Variants in TMEM207 observed in about 807,000 individuals in gnomAD.
TMEM207 encodes the protein SRSR846.
TMEM207 carries 15 observed loss-of-function variants against 17.4 expected under a neutral mutation model. The observed-to-expected ratio is 0.86, with a 90% confidence interval of 0.58 to 1.33. TMEM207 has a LOEUF of 1.33. Among genes scored for constraint, TMEM207 ranks in the 40% most tolerant of loss-of-function variants. The pLI, the probability that TMEM207 is intolerant of heterozygous loss-of-function variation, is 0.00. For missense variants in TMEM207, 205 were observed against 173.8 expected (o/e 1.18, Z -1.01); for synonymous variants, 70 against 65.6 (o/e 1.07, Z -0.33).
intron 2 of TMEM207, among the ~76,000 whole-genome samples, chr3:190,443,501 C>T (rs1719979758): frequency 6.6e-6 from 1 of 152,028 alleles, no homozygotes; most frequent in Admixed American, 6.6e-5. Flanking sequence ...ATCATGTAAG[C>T]TCCAAATCGC....
chr3:190,443,716 G>C (rs1019345856), intron 2 of TMEM207, among the ~76,000 whole-genome samples: 1 of 152,052 alleles, frequency 6.6e-6, no homozygotes, highest in African/African-American at 2.4e-5. Flanking sequence ...AACTTTTTGA[G>C]TTCCTAAAAA....
chr3:190,429,852 C>T, intron 4 of TMEM207, 121 bp from the exon 5 acceptor site: 1 of 1,238,514 alleles, frequency 8.1e-7, no homozygotes, highest in Non-Finnish European at 1.1e-6. Context: ...TTATTTGTAT[C>T]TATGAGAAAA....
intron 4 of TMEM207, among the ~76,000 whole-genome samples, chr3:190,439,874 T>C (rs1719891848): frequency 6.6e-6 from 1 of 152,176 alleles, no homozygotes; most frequent in Non-Finnish European, 1.5e-5. Context: ...TAAATGAATT[T>C]ATAAATACAA....
At chr3:190,440,891 ACC>A (rs1719919852) in intron 3 of TMEM207, among the ~76,000 whole-genome samples, 1 of 152,012 alleles carries the variant, frequency 6.6e-6, no homozygotes, top group African/African-American at 2.4e-5. Context: ...ACACGGTGAA[ACC>A]CCGTCTCTAC....
intron 4 of TMEM207, among the ~76,000 whole-genome samples, chr3:190,439,302 T>C (rs1018188779): frequency 2.0e-5 from 3 of 151,036 alleles, no homozygotes; most frequent in African/African-American, 7.3e-5. Context: ...CTTGGAAAAC[T>C]AAGTTTGATG....
chr3:190,434,309 G>A (rs929280485), intron 4 of TMEM207, among the ~76,000 whole-genome samples: 11 of 152,188 alleles, frequency 7.2e-5, no homozygotes, highest in Non-Finnish European at 1.3e-4. Flanking sequence ...TCTGATGGAA[G>A]ACAATTGAGT....
At chr3:190,440,093 C>T in intron 4 of TMEM207, 151 bp downstream of exon 4, 16 of 837,100 alleles carry the variant, frequency 1.9e-5, no homozygotes, top group South Asian at 1.0e-4. Context: ...AAATTTTCTC[C>T]CTTAAACTCT....
chr3:190,443,895 A>G (rs1440371776), intron 2 of TMEM207, among the ~76,000 whole-genome samples: 1 of 151,364 alleles, frequency 6.6e-6, no homozygotes, highest in Non-Finnish European at 1.5e-5. Context: ...CGTAAGAAAG[A>G]CATTTGGAAT....
At chr3:190,430,096 GA>G (rs540736640) in intron 4 of TMEM207, among the ~76,000 whole-genome samples, 52 of 152,224 alleles carry the variant, frequency 3.4e-4, no homozygotes, top group African/African-American at 1.2e-3. Flanking sequence ...AATTGCATTA[GA>G]AAAATTAAAA....
intron 4 of TMEM207, among the ~76,000 whole-genome samples, chr3:190,430,265 T>C (rs570366313): frequency 6.6e-6 from 1 of 151,818 alleles, no homozygotes; most frequent in Non-Finnish European, 1.5e-5. Context: ...TATTCTAAAA[T>C]TTAAAAAAAA....
At position 190,429,501 on chromosome 3, in the gene TMEM207, G is replaced by T; in HGVS notation, c.*94C>A. On this transcript the variant is annotated 3_prime_UTR_variant, in exon 5 of 5. Coordinates refer to ENST00000354905, the MANE Select transcript of TMEM207 (RefSeq NM_207316.3). Reference sequence around the variant, plus strand: ...CTCAGACTATATGAATAGATCTCTGGACATTTCCAACAACTGAAATAACTA... The same window carrying T: ...CTCAGACTATATGAATAGATCTCTGTACATTTCCAACAACTGAAATAACTA... 6.6e-7 allele frequency: 1 copy of T among 1,520,220 alleles called. No homozygotes were observed. The highest frequency in any genetic ancestry group is 9.0e-7 in the Non-Finnish European group (1 of 1,112,280). The allele number at this position is 1,520,220 out of a possible 1,614,324, so 94.2% of individuals were successfully genotyped here. A position where few individuals can be genotyped will look rare whatever the true frequency, so the allele number is the denominator to read the frequency against.
chr3:190,441,837 A>G (rs1268825086), intron 2 of TMEM207, among the ~76,000 whole-genome samples: 2 of 152,240 alleles, frequency 1.3e-5, no homozygotes, highest in African/African-American at 4.8e-5. Context: ...GTAGATAACC[A>G]TTATAGCTAT....
rs1002155131 is a variant in TMEM207 at position 190,435,253 on chromosome 3, G to A, written c.304+4991C>T. On this transcript the variant is annotated intron_variant, in intron 4 of 4. Coordinates refer to ENST00000354905, the MANE Select transcript of TMEM207 (RefSeq NM_207316.3). ...TTCGGCAGGGTAGGTTTCTTCTGAGGCCTCTCTCCTTGGATTGCAGATGGC... is the reference window on the plus strand; with the variant it reads ...TTCGGCAGGGTAGGTTTCTTCTGAGACCTCTCTCCTTGGATTGCAGATGGC... Among the ~76,000 whole-genome samples, 3 of 152,130 alleles carry A rather than the reference G, an allele frequency of 2.0e-5. No individual in the cohort carries two copies. The East Asian group carries it at 5.8e-4, about 29-fold the overall frequency.
rs192752665 is a variant in TMEM207, at chr3:190,449,766, G to T, written c.44C>A (p.Thr15Lys). The part of the protein sequence containing the change: ...RLFSVTSAIS[T>K]IGILCLPLFQ... ...TAGCGGCAAACACAAGATCCCTATC[G>T]TTGAGATCGCTGAGGTGACACTGAA... The change falls in exon 1 of 5, where the codon ACG becomes AAG. Residue 15 changes from threonine (T) to lysine (K), a missense_variant. Transcript: ENST00000354905. 3 of 1,613,828 alleles carry T rather than the reference G, an allele frequency of 1.9e-6. No individual in the cohort carries two copies. Among genetic ancestry groups the T allele is most frequent in the Non-Finnish European group, 2.5e-6 (3 of 1,179,796 alleles).
In TMEM207 at chr3:190,428,916, C is replaced by T. The variant is rs1439147778; in HGVS notation, c.*679G>A. 9 of 152,154 alleles carry T rather than the reference C, an allele frequency of 5.9e-5. No homozygotes were observed. Among genetic ancestry groups the T allele is most frequent in the Admixed American group, 5.9e-4 (9 of 15,264 alleles). 9.4% of individuals were successfully genotyped at this position (152,154 alleles called of 1,614,324 possible). A position where few individuals can be genotyped will look rare whatever the true frequency, so the allele number is the denominator to read the frequency against. ...TGGACTATGGAGGCCACATTCATTA[C>T]TGTAAAAGGGGAACTTTTCTTTTCT... On this transcript the variant is annotated 3_prime_UTR_variant, in exon 5 of 5. Coordinates refer to ENST00000354905, the MANE Select transcript of TMEM207 (RefSeq NM_207316.3).
rs1719899938 is a variant in TMEM207, at chr3:190,440,244, CATAA to C, written c.300_303del (p.Ile100MetfsTer7). On this transcript the variant is annotated frameshift_variant and splice_region_variant, in exon 4 of 5. Transcript: ENST00000354905. LOFTEE classifies it low-confidence loss of function (END_TRUNC). ...GTCCAGAAGCGTGCAGACAACTCAC[CATAA>C]ATAGAGTCCAAGTCTCCAACAGCAA... 2.5e-6 allele frequency: 4 copies of C among 1,612,804 alleles called. No individual in the cohort carries two copies. Among genetic ancestry groups the C allele is most frequent in the Non-Finnish European group, 3.4e-6 (4 of 1,179,630 alleles).
rs773721392 is a variant in TMEM207, at chr3:190,447,777, G to A, written c.113+13C>T. 6.7e-5 allele frequency: 107 copies of A among 1,608,482 alleles called. No individual in the cohort carries two copies. The highest frequency in any genetic ancestry group is 8.3e-5 in the Non-Finnish European group (98 of 1,177,848). On this transcript the variant is annotated intron_variant, in intron 2 of 4. Transcript: ENST00000354905. The stretch of plus-strand genomic sequence containing the variant: ...GCGAAATAAAAACATGGAGTTTTTC[G>A]CTGTTTACTTACATTTCATCTTCTT...
intron 4 of TMEM207, among the ~76,000 whole-genome samples, chr3:190,434,828 G>C (rs1719766432): frequency 6.6e-6 from 1 of 152,212 alleles, no homozygotes; most frequent in African/African-American, 2.4e-5. Flanking sequence ...CAGAAGATGA[G>C]TGAAGTTCAG....
chr3:190,441,314 T>C, intron 3 of TMEM207, 124 bp downstream of exon 3: 1 of 737,558 alleles, frequency 1.4e-6, no homozygotes, highest in South Asian at 1.7e-5. Flanking sequence ...TGTTTCTATA[T>C]TCATTTGCAT....
Sources: gnomAD v4.1 joint callset for allele counts (sites outside exome capture counted in the v4.1 genomes callset) on GRCh38, gnomAD v4.1.1 for gene constraint, MANE v1.5 for transcripts, NCBI Gene and HGNC (gene_info 2026-07-23, HGNC 2026-07-21) for gene names.